MEIS2: variants seen among roughly 807,000 people sequenced by gnomAD.
MEIS2 encodes the protein homeobox protein Meis2.
In MEIS2, 9 loss-of-function variants were observed where a neutral mutation model predicts 58.6. The ratio of observed to expected loss-of-function variants is 0.15; its 90% CI spans 0.09 to 0.27. The LOEUF (loss-of-function observed/expected upper bound fraction) is 0.27, where lower values mean the gene tolerates loss of function less well. MEIS2 is among the 10% of genes least tolerant of loss of function. The pLI, the probability that MEIS2 is intolerant of heterozygous loss-of-function variation, is 1.00. For missense variants in MEIS2, 427 were observed against 635.0 expected (o/e 0.67, Z 3.52); for synonymous variants, 221 against 228.4 (o/e 0.97, Z 0.29).
At chr15:36,965,197 T>C (rs951285036) in intron 8 of MEIS2, among the ~76,000 whole-genome samples, 18 of 152,218 alleles carry the variant, frequency 1.2e-4, no homozygotes, top group African/African-American at 4.3e-4. Flanking sequence ...ATTCTTATTC[T>C]TCATATAGAT....
At chr15:36,972,641 T>C (rs1567127537) in intron 8 of MEIS2, among the ~76,000 whole-genome samples, 1 of 152,202 alleles carries the variant, frequency 6.6e-6, no homozygotes, top group Non-Finnish European at 1.5e-5. Context: ...CTTTCAATAG[T>C]GTACTCTGAT....
intron 11 of MEIS2, chr15:36,894,318 C>G (rs189881471): frequency 3.7e-4 from 60 of 163,354 alleles, no homozygotes; most frequent in Non-Finnish European, 6.6e-4. Context: ...TTATGTCACT[C>G]AAAGGACAGT....
intron 8 of MEIS2, among the ~76,000 whole-genome samples, chr15:37,032,348 T>C (rs772353582): frequency 2.6e-5 from 4 of 152,232 alleles, no homozygotes; most frequent in East Asian, 1.9e-4. Flanking sequence ...GAGGGCCTAA[T>C]TGAGCACATT....
chr15:37,026,026 TC>T (rs1323441267), intron 8 of MEIS2, among the ~76,000 whole-genome samples: 1 of 152,092 alleles, frequency 6.6e-6, no homozygotes, highest in African/African-American at 2.4e-5. Context: ...GACCCCATGT[TC>T]CCATGTTCTC....
chr15:37,081,142 A>C (rs1002011853), intron 7 of MEIS2, among the ~76,000 whole-genome samples: 1 of 152,188 alleles, frequency 6.6e-6, no homozygotes, highest in African/African-American at 2.4e-5. Flanking sequence ...GTGTATGAAA[A>C]CATTGTATTT....
chr15:37,003,524 A>G (rs922749905), intron 8 of MEIS2, among the ~76,000 whole-genome samples: 2 of 152,184 alleles, frequency 1.3e-5, no homozygotes, highest in African/African-American at 4.8e-5. Context: ...TGGACTCCAT[A>G]TGACACTTGC....
intron 9 of MEIS2, among the ~76,000 whole-genome samples, chr15:36,917,080 C>G (rs1025506791): frequency 1.3e-5 from 2 of 152,190 alleles, no homozygotes; most frequent in African/African-American, 4.8e-5. Context: ...GGTTGTTTTT[C>G]CTGTCTTGTC....
At chr15:37,068,902 C>T (rs577160536) in intron 7 of MEIS2, among the ~76,000 whole-genome samples, 2 of 152,192 alleles carry the variant, frequency 1.3e-5, no homozygotes, top group South Asian at 4.2e-4. Flanking sequence ...TTTCAAGGTC[C>T]CTATCAATGT....
intron 8 of MEIS2, among the ~76,000 whole-genome samples, chr15:36,997,731 T>G (rs968101747): frequency 1.3e-5 from 2 of 152,186 alleles, no homozygotes; most frequent in Admixed American, 1.3e-4. Context: ...TCTGTCCGCT[T>G]TGGCCTCCCA....
At chr15:37,035,532 G>A (rs1187444000) in intron 8 of MEIS2, among the ~76,000 whole-genome samples, 4 of 152,124 alleles carry the variant, frequency 2.6e-5, no homozygotes, top group Non-Finnish European at 5.9e-5. Context: ...CGCATGTTCT[G>A]TCTAATTCCT....
chr15:36,941,851 T>G (rs1016572068), intron 9 of MEIS2, among the ~76,000 whole-genome samples: 5 of 152,092 alleles, frequency 3.3e-5, no homozygotes, highest in Admixed American at 1.3e-4. Flanking sequence ...CACGTGTGGG[T>G]TTTGAAGTAG....
chr15:36,901,778 C>T (rs777254309), intron 9 of MEIS2, among the ~76,000 whole-genome samples: 2 of 152,088 alleles, frequency 1.3e-5, no homozygotes, highest in Non-Finnish European at 2.9e-5. Context: ...ACATAAAAGG[C>T]CCTGGACAAA....
intron 8 of MEIS2, among the ~76,000 whole-genome samples, chr15:36,965,409 G>A (rs1307325085): frequency 1.3e-5 from 2 of 152,140 alleles, no homozygotes; most frequent in East Asian, 3.8e-4. Flanking sequence ...GAATTTCTAA[G>A]GTATTTTAGT....
At chr15:36,963,284 G>A (rs1014053314) in intron 8 of MEIS2, among the ~76,000 whole-genome samples, 2 of 152,102 alleles carry the variant, frequency 1.3e-5, no homozygotes, top group African/African-American at 2.4e-5. Context: ...GGAGGCTGAG[G>A]CAGGAGAATC....
At chr15:36,971,347 A>G (rs2059550837) in intron 8 of MEIS2, among the ~76,000 whole-genome samples, 2 of 151,874 alleles carry the variant, frequency 1.3e-5, no homozygotes, top group Admixed American at 1.3e-4. Context: ...TCACCTGGTA[A>G]TACAAATTTT....
At chr15:36,954,352 C>T (rs917542802) in intron 8 of MEIS2, among the ~76,000 whole-genome samples, 8 of 150,438 alleles carry the variant, frequency 5.3e-5, no homozygotes, top group African/African-American at 1.7e-4. Context: ...TGTAGGGCAT[C>T]GAGTAGAAAC....
chr15:36,921,794 CA>C (rs1274176827), intron 9 of MEIS2, among the ~76,000 whole-genome samples: 2 of 150,536 alleles, frequency 1.3e-5, no homozygotes, highest in Non-Finnish European at 1.5e-5. Flanking sequence ...ACTAAAACAA[CA>C]AGAAACAAAG....
intron 1 of MEIS2, 57 bp from the exon 2 acceptor site, chr15:37,098,256 G>C (rs75990895): frequency 2.0e-6 from 3 of 1,483,828 alleles, no homozygotes; most frequent in Admixed American, 2.3e-5. Flanking sequence ...ACAGAGGAGG[G>C]GGGTGGAAAG....
At chr15:36,985,988 T>C (rs566988097) in intron 8 of MEIS2, among the ~76,000 whole-genome samples, 3 of 152,292 alleles carry the variant, frequency 2.0e-5, no homozygotes, top group Non-Finnish European at 2.9e-5. Context: ...CCAGATTCTA[T>C]TGGTATTAGT....
Sources: allele counts gnomAD v4.1 joint callset (sites outside exome capture counted in the v4.1 genomes callset), GRCh38; gene constraint gnomAD v4.1.1; transcripts MANE v1.5; gene names NCBI Gene and HGNC (gene_info 2026-07-23, HGNC 2026-07-21).